The following CARS2 variants were observed in gnomAD, a reference collection of about 807,000 sequenced individuals.
CARS2 encodes the protein probable cysteine--tRNA ligase, mitochondrial.
In CARS2, 52 loss-of-function variants were observed where a neutral mutation model predicts 68.8. That is an observed-to-expected ratio of 0.76 (90% confidence interval 0.61 to 0.95). The LOEUF is 0.95. CARS2 is among the 40% of genes least tolerant of loss of function. The probability of loss-of-function intolerance (pLI) is 0.00; values close to 1 mark genes in which losing one functional copy is unlikely to be tolerated. For missense variants in CARS2, 780 were observed against 754.2 expected (o/e 1.03, Z -0.40); for synonymous variants, 314 against 303.6 (o/e 1.03, Z -0.36).
chr13:110,688,155 C>G (rs899021888), intron 3 of CARS2, 137 bp from the exon 4 acceptor site: 7 of 546,128 alleles, frequency 1.3e-5, no homozygotes, highest in Non-Finnish European at 2.3e-5. Flanking sequence ...CTCAGTTTGC[C>G]CCCACCCACT....
At chr13:110,683,866 AC>A (rs2063222397) in intron 5 of CARS2, among the ~76,000 whole-genome samples, 1 of 152,134 alleles carries the variant, frequency 6.6e-6, no homozygotes, top group African/African-American at 2.4e-5. Context: ...AAAAAAACAC[AC>A]AAAAAAATCA....
In CARS2 at chr13:110,676,599, G is replaced by A. The variant is rs1266163005; in HGVS notation, c.785+375C>T. On this transcript the variant is annotated intron_variant, in intron 7 of 14. Coordinates refer to ENST00000257347, the MANE Select transcript of CARS2 (RefSeq NM_024537.4). The surrounding 1 kb of genome is among the most constrained non-coding windows in gnomAD (Gnocchi z 4.0). ...AGTTGCCTGAGCTAGAAGAGCTGGCGGGAAGGCGGAGAGGGATTTGGGGGC... is the reference window on the plus strand; with the variant it reads ...AGTTGCCTGAGCTAGAAGAGCTGGCAGGAAGGCGGAGAGGGATTTGGGGGC... Among the ~76,000 whole-genome samples the A allele has an allele frequency of 1.3e-5, 2 of 152,154 alleles. No individual in the cohort carries two copies. The highest frequency in any genetic ancestry group is 2.9e-5 in the Non-Finnish European group (2 of 68,016).
At chr13:110,693,764 T>C (rs1037065832) in intron 3 of CARS2, among the ~76,000 whole-genome samples, 2 of 152,060 alleles carry the variant, frequency 1.3e-5, no homozygotes, top group Non-Finnish European at 2.9e-5. Context: ...ATAAAACAAA[T>C]AGACGAGGTA....
chr13:110,666,183 C>A, intron 8 of CARS2: 1 of 985,400 alleles, frequency 1.0e-6, no homozygotes, highest in Non-Finnish European at 1.2e-6. Flanking sequence ...AGGGGCGATG[C>A]CTTAAATATT....
In CARS2 at chr13:110,679,589, AAGAAAGAAAGAGAG is replaced by A. The variant is rs1438677427; in HGVS notation, c.656-2500_656-2487del. ...AGAAAGAGAGAGAAAGAAAGAAAGA[AAGAAAGAAAGAGAG>A]AGAGAGAGAGAGAGAGAGAGAGGGA... On this transcript the variant is annotated intron_variant, in intron 6 of 14. Transcript: ENST00000257347. 7.3e-3 allele frequency among the ~76,000 whole-genome samples: 615 copies of A among 83,948 alleles called. 2 individuals are homozygous for A. Among genetic ancestry groups the A allele is most frequent in the East Asian group, 0.014 (42 of 2,942 alleles). 55.1% of individuals were successfully genotyped at this position (83,948 alleles called of 152,430 possible).
chr13:110,654,134 C>G lies in CARS2; in HGVS notation c.988-3034G>C, dbSNP rs76052323. Among the ~76,000 whole-genome samples, 1,350 of 152,310 alleles carry G rather than the reference C, an allele frequency of 8.9e-3. 19 individuals are homozygous for G. Among genetic ancestry groups the G allele is most frequent in the African/African-American group, 0.031 (1,285 of 41,566 alleles). On this transcript the variant is annotated intron_variant, in intron 9 of 14. Transcript: ENST00000257347. ...ACTCACAGGGAGCCCGCTGGGTACA[C>G]ATGCCAGTTGCCGAGGGACTTCCTA...
At chr13:110,652,430 C>A (rs1388520804) in intron 9 of CARS2, among the ~76,000 whole-genome samples, 1 of 152,274 alleles carries the variant, frequency 6.6e-6, no homozygotes, top group Non-Finnish European at 1.5e-5. Context: ...CTACTGAGAG[C>A]AAAACACACA....
rs1044669719 is a variant in CARS2 at position 110,706,057 on chromosome 13, G to C, written c.37C>G (p.Pro13Ala). Residue 13 changes from proline to alanine, a missense_variant, in exon 1 of 15, where the codon CCG (proline) becomes GCG (alanine). By Grantham distance (27) the Pro-to-Ala change is conservative. Coordinates refer to ENST00000257347, the MANE Select transcript of CARS2 (RefSeq NM_024537.4). ...RTTRGPGLGP[P>A]LLQAALGLGR... ...AGGCCCAGCGCGGCCTGGAGCAGCG[G>C]GGGGCCCAGGCCTGGGCCGCGCGTA... is the stretch of plus-strand genomic sequence containing the variant. The C allele has an allele frequency of 2.5e-5, 34 of 1,359,812 alleles. No homozygotes were observed. In the African/African-American group the frequency reaches 4.3e-4, roughly 17 times the overall value. The allele number at this position is 1,359,812 out of a possible 1,614,324, so 84.2% of individuals were successfully genotyped here.
intron 13 of CARS2, chr13:110,644,166 G>C (rs1335447131): frequency 2.1e-6 from 3 of 1,442,910 alleles, no homozygotes; most frequent in Middle Eastern, 1.8e-4. Context: ...CTGGTTCTGC[G>C]CACGAGAGTT....
At position 110,670,878 on chromosome 13, in the gene CARS2, T is replaced by G. The variant is rs946537812; in HGVS notation, c.786-3405A>C. Among the ~76,000 whole-genome samples, 1 of 152,136 alleles carries G rather than the reference T, an allele frequency of 6.6e-6. No individual in the cohort carries two copies. The highest frequency in any genetic ancestry group is 6.5e-5 in the Admixed American group (1 of 15,272). On this transcript the variant is annotated intron_variant, in intron 7 of 14. Coordinates refer to ENST00000257347, the MANE Select transcript of CARS2 (RefSeq NM_024537.4). The surrounding 1 kb of genome is among the most constrained non-coding windows in gnomAD (Gnocchi z 4.1). The stretch of plus-strand genomic sequence containing the variant: ...ATAGACAAGACCTTAAATGACCTGA[T>G]GGAGCTGAAAACCATGGCACAACAA...
At chr13:110,692,299 G>A (rs1181140519) in intron 3 of CARS2, among the ~76,000 whole-genome samples, 7 of 151,508 alleles carry the variant, frequency 4.6e-5, no homozygotes, top group South Asian at 4.2e-4. Context: ...GAGAAACCCC[G>A]TCTCTACTAA....
chr13:110,685,992 G>GA (rs10668818), intron 5 of CARS2, among the ~76,000 whole-genome samples: 86,167 of 128,736 alleles, frequency 0.67, 28,932 homozygotes, highest in Non-Finnish European at 0.73. Flanking sequence ...CAGAAAAAAT[G>GA]AAAAAAAAAA....
At chr13:110,706,286 G>A (rs901133561), upstream of CARS2, 2 of 350,400 alleles carry the variant, frequency 5.7e-6, no homozygotes. Flanking sequence ...GGAGAACCAG[G>A]GCCCGAAGAG....
At chr13:110,707,179 TAG>T (rs556089071), upstream of CARS2, among the ~76,000 whole-genome samples, 735 of 141,382 alleles carry the variant, frequency 5.2e-3, 5 homozygotes, top group Admixed American at 8.4e-3. Flanking sequence ...TGCACCTCAA[TAG>T]AGTGTGCGCC....
Position 110,670,878 on chromosome 13 carries a change from T to C in CARS2, c.786-3405A>G, listed in dbSNP as rs946537812. Among the ~76,000 whole-genome samples the C allele has an allele frequency of 4.6e-5, 7 of 152,136 alleles. No individual in the cohort carries two copies. Among genetic ancestry groups the C allele is most frequent in the Non-Finnish European group, 1.0e-4 (7 of 68,022 alleles). ...ATAGACAAGACCTTAAATGACCTGATGGAGCTGAAAACCATGGCACAACAA... is the reference window on the plus strand; with the variant it reads ...ATAGACAAGACCTTAAATGACCTGACGGAGCTGAAAACCATGGCACAACAA... On this transcript the variant is annotated intron_variant, in intron 7 of 14. Coordinates refer to ENST00000257347, the MANE Select transcript of CARS2 (RefSeq NM_024537.4). This position sits in a 1 kb window ranked among gnomAD's most constrained non-coding sequence, Gnocchi z 4.1.
chr13:110,712,765 C>T (rs2139960651), intron 1 of CARS2: 1 of 706,724 alleles, frequency 1.4e-6, no homozygotes, highest in Non-Finnish European at 2.6e-6. Flanking sequence ...TGACACAGGG[C>T]GGGAAGAGAT....
intron 2 of CARS2, among the ~76,000 whole-genome samples, chr13:110,703,069 CT>C (rs2063836684): frequency 6.6e-6 from 1 of 152,178 alleles, no homozygotes; most frequent in Non-Finnish European, 1.5e-5. Flanking sequence ...CGCCCCATCC[CT>C]TCCCCTGCTC....
rs563323707 is a variant in CARS2, at chr13:110,653,802, C to T, written c.988-2702G>A. 1.3e-5 allele frequency among the ~76,000 whole-genome samples: 2 copies of T among 152,356 alleles called. No individual in the cohort carries two copies. The highest frequency in any genetic ancestry group is 4.1e-4 in the South Asian group (2 of 4,832). ...AACATATTATAACTTCTTCATTACA[C>T]AGTATTCTGACAATGATGTGAAAAC... is the stretch of plus-strand genomic sequence containing the variant. On this transcript the variant is annotated intron_variant, in intron 9 of 14. Coordinates refer to ENST00000257347, the MANE Select transcript of CARS2 (RefSeq NM_024537.4). The surrounding 1 kb of genome is among the most constrained non-coding windows in gnomAD (Gnocchi z 5.6).
intron 5 of CARS2, among the ~76,000 whole-genome samples, chr13:110,685,897 T>C (rs1417006317): frequency 6.7e-6 from 1 of 148,214 alleles, no homozygotes; most frequent in African/African-American, 2.5e-5. Context: ...TGAAACCACC[T>C]GCAGTAAGCA....
Sources: allele counts gnomAD v4.1 joint callset (sites outside exome capture counted in the v4.1 genomes callset), GRCh38; gene constraint gnomAD v4.1.1; non-coding constraint Gnocchi (gnomAD v3.1); transcripts MANE v1.5; gene names NCBI Gene and HGNC (gene_info 2026-07-23, HGNC 2026-07-21).